NALCN: variants seen among roughly 807,000 people sequenced by gnomAD.
NALCN encodes the protein sodium leak channel NALCN.
In NALCN, 111 loss-of-function variants were observed where a neutral mutation model predicts 225.3. The observed-to-expected ratio is 0.49, with a 90% confidence interval of 0.42 to 0.58. The LOEUF (loss-of-function observed/expected upper bound fraction) is 0.58. NALCN is among the 20% of genes least tolerant of loss of function. The pLI is 0.00. For missense variants in NALCN, 1,378 were observed against 2,202.4 expected, an observed-to-expected ratio of 0.63 and a Z score of 7.49; for synonymous variants, 764 against 769.0, an observed-to-expected ratio of 0.99 and a Z score of 0.11.
At chr13:101,210,128 T>C (rs2040466143) in intron 13 of NALCN, among the ~76,000 whole-genome samples, 2 of 152,158 alleles carry the variant, frequency 1.3e-5, no homozygotes, top group South Asian at 4.1e-4. Flanking sequence ...TTTAAGATTA[T>C]AGGATGCAGC....
intron 10 of NALCN, among the ~76,000 whole-genome samples, chr13:101,283,528 A>G (rs1393756132): frequency 6.6e-6 from 1 of 152,140 alleles, no homozygotes; most frequent in Non-Finnish European, 1.5e-5. Flanking sequence ...GTTCCTCTGA[A>G]AGCTTCCAAA....
intron 1 of NALCN, among the ~76,000 whole-genome samples, chr13:101,401,499 C>G (rs560108548): frequency 6.6e-6 from 1 of 152,284 alleles, no homozygotes; most frequent in South Asian, 2.1e-4. Flanking sequence ...GATCTGTCCA[C>G]AATTCCTCTT....
At chr13:101,130,453 T>G (rs576107026) in intron 17 of NALCN, among the ~76,000 whole-genome samples, 1 of 152,356 alleles carries the variant, frequency 6.6e-6, no homozygotes, top group East Asian at 1.9e-4. Flanking sequence ...TTATGCCAAA[T>G]GGTTTAAGAG....
At chr13:101,253,470 C>A (rs9300657) in intron 11 of NALCN, among the ~76,000 whole-genome samples, 152,319 of 152,324 alleles carry the variant, frequency 1, 76,157 homozygotes, top group Non-Finnish European at 1. Flanking sequence ...TATTGCCTTA[C>A]ATACTGCATC....
chr13:101,084,841 T>C (rs2139524530), intron 30 of NALCN, among the ~76,000 whole-genome samples: 1 of 152,308 alleles, frequency 6.6e-6, no homozygotes, highest in East Asian at 1.9e-4. Context: ...TGATGGGGTC[T>C]AGGAATTTAA....
At chr13:101,308,715 A>T (rs574970541) in intron 7 of NALCN, among the ~76,000 whole-genome samples, 6 of 152,364 alleles carry the variant, frequency 3.9e-5, no homozygotes, top group African/African-American at 1.4e-4. Context: ...ACTAAAAATT[A>T]TTGACATACA....
chr13:101,373,324 G>A (rs929116431), intron 6 of NALCN, among the ~76,000 whole-genome samples: 5 of 152,100 alleles, frequency 3.3e-5, no homozygotes, highest in Middle Eastern at 3.4e-3. Flanking sequence ...AGCATTACCC[G>A]GATTTCAAGA....
At chr13:101,287,607 A>G (rs145865268) in intron 9 of NALCN, among the ~76,000 whole-genome samples, 5 of 152,114 alleles carry the variant, frequency 3.3e-5, no homozygotes, top group African/African-American at 1.2e-4. Flanking sequence ...ATCTCAATAT[A>G]TGGGAGTGAC....
At chr13:101,231,211 CAT>C (rs2041333822) in intron 12 of NALCN, among the ~76,000 whole-genome samples, 1 of 152,122 alleles carries the variant, frequency 6.6e-6, no homozygotes, top group South Asian at 2.1e-4. Context: ...CACACACACA[CAT>C]CTAAATATAT....
chr13:101,376,591 G>T lies in NALCN; in HGVS notation c.644+109C>A, dbSNP rs1206235469. The T allele has an allele frequency of 8.5e-6, 9 of 1,054,912 alleles. No homozygotes were observed. The Admixed American group carries it at 1.0e-4, about 12-fold the overall frequency. The allele number at this position is 1,054,912 out of a possible 1,614,324, so 65.3% of individuals were successfully genotyped here. ...AGGAAGCAGAGACACAGAACAAAGA[G>T]GACATAAGCACTGTTTAAAAAATCT... On this transcript the variant is annotated intron_variant, in intron 6 of 43. Coordinates refer to ENST00000251127, the MANE Select transcript of NALCN (RefSeq NM_052867.4).
intron 17 of NALCN, among the ~76,000 whole-genome samples, chr13:101,134,143 A>C (rs1247830786): frequency 2.6e-5 from 4 of 152,126 alleles, no homozygotes; most frequent in Admixed American, 2.0e-4. Flanking sequence ...GCACTCCAGC[A>C]TGGGCCACAG....
At chr13:101,091,374 G>GT (rs2034226507) in intron 28 of NALCN, among the ~76,000 whole-genome samples, 1 of 152,030 alleles carries the variant, frequency 6.6e-6, no homozygotes, top group Non-Finnish European at 1.5e-5. Flanking sequence ...CATCTTTTAT[G>GT]TTTTTTAAAC....
At chr13:101,347,167 C>CACACACA (rs1566601607) in intron 6 of NALCN, among the ~76,000 whole-genome samples, 1 of 124,240 alleles carries the variant, frequency 8.0e-6, no homozygotes, top group African/African-American at 3.0e-5. Context: ...ACACACACAC[C>CACACACA]CCATGGCTGG....
intron 1 of NALCN, among the ~76,000 whole-genome samples, chr13:101,402,159 ATC>A (rs1170698377): frequency 2.0e-5 from 3 of 151,084 alleles, no homozygotes; most frequent in African/African-American, 7.4e-5. Context: ...ATAAGCCAAT[ATC>A]TCTTTTTTCT....
At chr13:101,087,714 AC>A (rs1289402589) in intron 30 of NALCN, among the ~76,000 whole-genome samples, 3 of 151,868 alleles carry the variant, frequency 2.0e-5, no homozygotes, top group Non-Finnish European at 4.4e-5. Context: ...CTGGATGGAG[AC>A]CTCCCTGGTT....
At position 101,104,567 on chromosome 13, in the gene NALCN, G is replaced by C; in HGVS notation, c.2720C>G (p.Ser907Cys). ...ICSCISMMFESPFRRVMHAPT... is the reference protein window; with the variant it reads ...ICSCISMMFECPFRRVMHAPT... Reference sequence around the variant, plus strand: ...TGCATGCATGACTCTTCGAAACGGGGACTCAAACATCATGGAAATGCAAGA... The same window carrying C: ...TGCATGCATGACTCTTCGAAACGGGCACTCAAACATCATGGAAATGCAAGA... The change falls in exon 24 of 44, where the codon TCC becomes TGC. Residue 907 changes from serine (S) to cysteine (C), a missense_variant. Physicochemically the swap from Ser to Cys is moderately radical, Grantham distance 112. Transcript: ENST00000251127. This position sits in a 1 kb window ranked among gnomAD's most constrained non-coding sequence, Gnocchi z 4.2. 1 of 1,613,998 alleles carries C rather than the reference G, an allele frequency of 6.2e-7. No homozygotes were observed. Among genetic ancestry groups the C allele is most frequent in the Non-Finnish European group, 8.5e-7 (1 of 1,179,936 alleles).
intron 18 of NALCN, among the ~76,000 whole-genome samples, chr13:101,115,061 A>C (rs1263584205): frequency 6.6e-6 from 1 of 152,204 alleles, no homozygotes; most frequent in Admixed American, 6.5e-5. Context: ...TGAACCTTGA[A>C]ATTCCGTGAA....
rs544816396 is a variant in NALCN, at chr13:101,141,725, C to A, written c.2118+1355G>T. Among the ~76,000 whole-genome samples the A allele has an allele frequency of 2.0e-5, 3 of 151,884 alleles. No homozygotes were observed. The East Asian group carries it at 5.8e-4, about 30-fold the overall frequency. ...GATAAAGAGAAAGGTGAGGGAATTC[C>A]AAAGGGTTCATCCCTGTGGGAAGGG... On this transcript the variant is annotated intron_variant, in intron 17 of 43. Transcript: ENST00000251127.
At chr13:101,171,181 T>C (rs1391858112) in intron 15 of NALCN, among the ~76,000 whole-genome samples, 1 of 151,410 alleles carries the variant, frequency 6.6e-6, no homozygotes, top group Non-Finnish European at 1.5e-5. Context: ...ATGTTTTATA[T>C]ATATGTGTGT....
Sources: allele counts gnomAD v4.1 joint callset (sites outside exome capture counted in the v4.1 genomes callset), GRCh38; gene constraint gnomAD v4.1.1; non-coding constraint Gnocchi (gnomAD v3.1); transcripts MANE v1.5; gene names NCBI Gene and HGNC (gene_info 2026-07-23, HGNC 2026-07-21).